The following SETDB1 variants were observed in gnomAD, a reference collection of about 807,000 sequenced individuals.
The protein encoded by SETDB1 is histone-lysine N-methyltransferase SETDB1.
A neutral mutation model predicts 137.4 loss-of-function variants in SETDB1; 31 were observed. That is an observed-to-expected ratio of 0.23 (90% CI 0.17 to 0.30). The LOEUF (loss-of-function observed/expected upper bound fraction) is 0.30, where lower values mean the gene tolerates loss of function less well. SETDB1 is among the 10% of genes least tolerant of loss of function. SETDB1 has a pLI of 1.00. For missense variants in SETDB1, 1,113 were observed against 1,631.5 expected (o/e 0.68, Z 5.47); for synonymous variants, 548 against 579.9 (o/e 0.95, Z 0.79).
At chr1:150,947,278 C>T (rs1185218332) in intron 10 of SETDB1, among the ~76,000 whole-genome samples, 1 of 152,102 alleles carries the variant, frequency 6.6e-6, no homozygotes, top group East Asian at 1.9e-4. Flanking sequence ...CTGTTATCCA[C>T]ATGAGAATTG....
In SETDB1 at chr1:150,941,333, G is replaced by A. The variant is rs370135545; in HGVS notation, c.452G>A (p.Arg151His). Residue 151 changes from arginine to histidine, a missense_variant, in exon 5 of 22, where the codon CGT (arginine) becomes CAT (histidine). Coordinates refer to ENST00000692827, the MANE Select transcript of SETDB1 (RefSeq NM_001366418.1). ...GSRTPKDQKLREAMAALRKSA... is the reference protein window; with the variant it reads ...GSRTPKDQKLHEAMAALRKSA... ...TCCTCATCCCCTTTTCTACAGCTCC[G>A]TGAAGCTATGGCTGCCTTAAGAAAG... The A allele has an allele frequency of 1.9e-6, 3 of 1,607,730 alleles. No homozygotes were observed. Among genetic ancestry groups the A allele is most frequent in the Admixed American group, 3.3e-5 (2 of 59,938 alleles).
intron 1 of SETDB1, 187 bp downstream of exon 1, chr1:150,926,704 G>A: frequency 1.9e-6 from 1 of 531,406 alleles, no homozygotes; most frequent in South Asian, 1.4e-5. Flanking sequence ...GGGCTGGTGT[G>A]TGGGCAGAGG....
chr1:150,934,513 A>C (rs1191478595), intron 3 of SETDB1, among the ~76,000 whole-genome samples: 1 of 152,158 alleles, frequency 6.6e-6, no homozygotes, highest in Non-Finnish European at 1.5e-5. Flanking sequence ...GCACCAGCAT[A>C]CTTCTACTTT....
At chr1:150,959,918 C>G (rs1346812995) in intron 15 of SETDB1, among the ~76,000 whole-genome samples, 1 of 151,532 alleles carries the variant, frequency 6.6e-6, no homozygotes, top group Non-Finnish European at 1.5e-5. Flanking sequence ...ACTAAAAATA[C>G]AAAAATTAGC....
intron 3 of SETDB1, among the ~76,000 whole-genome samples, chr1:150,932,430 G>A (rs1416810911): frequency 2.0e-5 from 3 of 151,936 alleles, no homozygotes; most frequent in African/African-American, 7.3e-5. Context: ...CAGTGCTGAG[G>A]CCATTTAGGC....
intron 14 of SETDB1, among the ~76,000 whole-genome samples, chr1:150,954,588 G>GA (rs1186244247): frequency 3.3e-5 from 5 of 150,464 alleles, no homozygotes; most frequent in African/African-American, 7.3e-5. Context: ...AACACTGAGG[G>GA]AAAAAAAAAT....
intron 3 of SETDB1, among the ~76,000 whole-genome samples, chr1:150,936,365 G>T (rs1330690399): frequency 2.6e-5 from 4 of 151,840 alleles, no homozygotes; most frequent in Non-Finnish European, 4.4e-5. Flanking sequence ...TCTATTTTTT[G>T]GAATAGTTTA....
chr1:150,951,511 C>T, intron 14 of SETDB1, 30 bp downstream of exon 14: 1 of 1,113,200 alleles, frequency 9.0e-7, no homozygotes, highest in Non-Finnish European at 1.4e-6. Flanking sequence ...CACAGTACCT[C>T]AGAGAGACTG....
At chr1:150,928,837 G>T (rs587731089) in intron 2 of SETDB1, among the ~76,000 whole-genome samples, 1 of 151,652 alleles carries the variant, frequency 6.6e-6, no homozygotes, top group East Asian at 1.9e-4. Context: ...GAATGAGAAC[G>T]TGCGGTGTTT....
rs2102624565 is a variant in SETDB1 at position 150,927,891 on chromosome 1, G to A, written c.177G>A (p.Lys59=). The part of the protein sequence containing the change: ...EKMDCVQQRK[K]QLAELETWVI... Reference sequence around the variant, plus strand: ...TGGATTGTGTACAGCAACGCAAGAAGCAGCTAGCAGAGTTAGAGACATGGG... The same window carrying A: ...TGGATTGTGTACAGCAACGCAAGAAACAGCTAGCAGAGTTAGAGACATGGG... Residue 59 remains lysine (K), a synonymous_variant, in exon 2 of 22, where the codon AAG becomes AAA. Coordinates refer to ENST00000692827, the MANE Select transcript of SETDB1 (RefSeq NM_001366418.1). 6.2e-7 allele frequency: 1 copy of A among 1,614,190 alleles called. No individual in the cohort carries two copies. The highest frequency in any genetic ancestry group is 8.5e-7 in the Non-Finnish European group (1 of 1,180,042).
intron 17 of SETDB1, 71 bp from the exon 18 acceptor site, chr1:150,962,516 T>C: frequency 1.3e-6 from 2 of 1,515,190 alleles, no homozygotes; most frequent in Non-Finnish European, 1.8e-6. Context: ...ATCTGCCTTC[T>C]CTCAAACCTA....
intron 14 of SETDB1, among the ~76,000 whole-genome samples, chr1:150,952,445 G>T (rs377686141): frequency 6.6e-6 from 1 of 152,116 alleles, no homozygotes; most frequent in Non-Finnish European, 1.5e-5. Context: ...ATTATGGAGT[G>T]GGGGGAAAGA....
chr1:150,945,195 C>A (rs771431012), intron 9 of SETDB1, 87 bp downstream of exon 9: 2 of 1,564,954 alleles, frequency 1.3e-6, no homozygotes, highest in Non-Finnish European at 1.7e-6. Context: ...TATAGCTATT[C>A]CATAGCCTTC....
At chr1:150,940,379 A>G (rs925169365) in intron 4 of SETDB1, among the ~76,000 whole-genome samples, 1 of 151,950 alleles carries the variant, frequency 6.6e-6, no homozygotes, top group African/African-American at 2.4e-5. Flanking sequence ...CAGCCTGGCC[A>G]AAATGGCGAA....
In SETDB1 at chr1:150,948,563, G is replaced by A. The variant is rs587601894; in HGVS notation, c.1268-559G>A. 6.6e-5 allele frequency among the ~76,000 whole-genome samples: 10 copies of A among 152,154 alleles called. No individual in the cohort carries two copies. The East Asian group carries it at 1.7e-3, about 27-fold the overall frequency. ...TGGGATTAAAGGCATGAGCCACCGC[G>A]CCTGGCCGTTATTCTTTTATTCCTT... On this transcript the variant is annotated intron_variant, in intron 10 of 21. Coordinates refer to ENST00000692827, the MANE Select transcript of SETDB1 (RefSeq NM_001366418.1).
Position 150,942,648 on chromosome 1 carries a change from G to A in SETDB1, c.633G>A (p.Lys211=), listed in dbSNP as rs1670201254. The A allele has an allele frequency of 6.2e-7, 1 of 1,613,942 alleles. No homozygotes were observed. The highest frequency in any genetic ancestry group is 8.5e-7 in the Non-Finnish European group (1 of 1,179,960). ...SMRILGKKRT[K]TWHKGTLIAI... is the part of the protein sequence containing the mutation. The stretch of plus-strand genomic sequence containing the variant: ...GAATTCTGGGCAAGAAGAGAACTAA[G>A]ACTTGGCACAAAGGCACCCTTATTG... Residue 211 remains lysine, a synonymous_variant, in exon 6 of 22, where the codon AAG becomes AAA. Transcript: ENST00000692827.
intron 17 of SETDB1, 109 bp downstream of exon 17, chr1:150,962,267 C>T (rs1670846267): frequency 6.1e-6 from 6 of 988,782 alleles, no homozygotes; most frequent in Non-Finnish European, 9.7e-6. Context: ...CTCCCAGGCT[C>T]AAGAGATTCT....
intron 7 of SETDB1, 116 bp from the exon 8 acceptor site, chr1:150,943,804 C>T (rs1360457200): frequency 1.5e-6 from 1 of 664,284 alleles, no homozygotes; most frequent in Non-Finnish European, 2.7e-6. Context: ...GATTGTCTTC[C>T]CTGGAGTGCA....
chr1:150,936,067 A>T (rs1293770645), intron 3 of SETDB1, among the ~76,000 whole-genome samples: 1 of 152,162 alleles, frequency 6.6e-6, no homozygotes, highest in African/African-American at 2.4e-5. Flanking sequence ...GCTCACTGCA[A>T]GCTCCACTTC....
Sources: gnomAD v4.1 joint callset for allele counts (sites outside exome capture counted in the v4.1 genomes callset) on GRCh38, gnomAD v4.1.1 for gene constraint, MANE v1.5 for transcripts, NCBI Gene and HGNC (gene_info 2026-07-23, HGNC 2026-07-21) for gene names.